Variants in DMD observed in about 807,000 individuals in gnomAD.
The protein encoded by DMD is dystrophin, also known as mutant dystrophin.
A neutral mutation model predicts 330.1 loss-of-function variants in DMD; 63 were observed. The observed-to-expected ratio is 0.19, with a 90% CI of 0.16 to 0.24. DMD has a LOEUF of 0.24. DMD is among the 10% of genes least tolerant of loss of function. The pLI is 1.00. For synonymous variants in DMD, 1,223 were observed against 959.8 expected, an observed-to-expected ratio of 1.27 and a Z score of -5.07; for missense variants, 3,344 against 2,684.1, an observed-to-expected ratio of 1.25 and a Z score of -5.43.
At chrX:32,929,527 T>A (rs1454970679) in intron 2 of DMD, among the ~76,000 whole-genome samples, 1 of 111,171 alleles carries the variant, frequency 9.0e-6, no homozygotes, top group East Asian at 2.8e-4. Context: ...CCATAGTTAC[T>A]GAGGATATCA....
intron 41 of DMD, among the ~76,000 whole-genome samples, chrX:32,335,670 A>AAC (rs1569558437): frequency 9.8e-6 from 1 of 101,919 alleles, no homozygotes; most frequent in African/African-American, 3.9e-5. Context: ...ACATATACAT[A>AAC]ATATGTATAT....
chrX:31,552,467 A>G (rs1433113773), intron 55 of DMD, among the ~76,000 whole-genome samples: 1 of 111,947 alleles, frequency 8.9e-6, no homozygotes, highest in African/African-American at 3.3e-5. Context: ...GCCACCACAC[A>G]TGGCCCAGAG....
At chrX:32,119,093 A>G in intron 44 of DMD, among the ~76,000 whole-genome samples, 1 of 110,739 alleles carries the variant, frequency 9.0e-6, no homozygotes, top group Middle Eastern at 4.6e-3. Flanking sequence ...TAAAAGCCAA[A>G]GGAAAGCGGG....
intron 1 of DMD, among the ~76,000 whole-genome samples, chrX:33,143,750 T>A (rs1454982327): frequency 8.9e-6 from 1 of 112,001 alleles, no homozygotes; most frequent in East Asian, 2.8e-4. Flanking sequence ...ATTAACCGAA[T>A]GATATTAATA....
intron 2 of DMD, among the ~76,000 whole-genome samples, chrX:33,015,511 G>T (rs765606237): frequency 3.6e-5 from 4 of 110,604 alleles, no homozygotes; most frequent in African/African-American, 1.3e-4. Context: ...GGAGCTTATC[G>T]GAAGGTGGAG....
intron 55 of DMD, among the ~76,000 whole-genome samples, chrX:31,528,872 T>C (rs1224970743): frequency 9.0e-6 from 1 of 111,580 alleles, no homozygotes; most frequent in Non-Finnish European, 1.9e-5. Context: ...GGCTCATGCC[T>C]GTAATCCAGG....
intron 60 of DMD, among the ~76,000 whole-genome samples, chrX:31,360,763 T>C (rs1302747858): frequency 8.9e-6 from 1 of 111,907 alleles, no homozygotes; most frequent in African/African-American, 3.2e-5. Context: ...GGAGGAATGA[T>C]GGGAAAATTA....
chrX:32,348,124 T>A (rs113794050), intron 38 of DMD, among the ~76,000 whole-genome samples: 19 of 111,428 alleles, frequency 1.7e-4, no homozygotes, highest in African/African-American at 5.5e-4. Flanking sequence ...TTCGACTCTT[T>A]TTTCCAATTA....
At chrX:32,903,139 A>G (rs1297194408) in intron 2 of DMD, among the ~76,000 whole-genome samples, 2 of 60,697 alleles carry the variant, frequency 3.3e-5, no homozygotes, top group Admixed American at 2.3e-4. Context: ...AGTGAGACTC[A>G]GTCTCAAAAA....
intron 43 of DMD, among the ~76,000 whole-genome samples, chrX:32,242,091 G>A (rs1029415467): frequency 1.8e-5 from 2 of 111,672 alleles, no homozygotes; most frequent in African/African-American, 6.5e-5. Context: ...CTGACATGGA[G>A]GCCTGAATCC....
intron 53 of DMD, among the ~76,000 whole-genome samples, chrX:31,659,798 G>A (rs767655904): frequency 9.7e-4 from 107 of 110,528 alleles, no homozygotes; most frequent in African/African-American, 3.4e-3. Flanking sequence ...GTAAAAAACA[G>A]AACACAATTT....
chrX:31,252,984 C>T (rs1398221662), intron 63 of DMD, among the ~76,000 whole-genome samples: 3 of 96,198 alleles, frequency 3.1e-5, no homozygotes, highest in Admixed American at 1.1e-4. Context: ...AGTGAGACTC[C>T]GTCTCAAAAA....
chrX:32,864,485 C>A (rs1190077939), intron 2 of DMD, among the ~76,000 whole-genome samples: 4 of 112,161 alleles, frequency 3.6e-5, no homozygotes, highest in Admixed American at 9.5e-5. Context: ...TATATCTTTT[C>A]TTTCTTCTAT....
intron 44 of DMD, among the ~76,000 whole-genome samples, chrX:32,020,582 G>C (rs1409150218): frequency 9.0e-6 from 1 of 111,701 alleles, no homozygotes; most frequent in Non-Finnish European, 1.9e-5. Flanking sequence ...CACATACACA[G>C]AGGAAAGGTC....
chrX:31,248,851 G>A (rs886801858), intron 63 of DMD, among the ~76,000 whole-genome samples: 2 of 110,996 alleles, frequency 1.8e-5, no homozygotes, highest in Non-Finnish European at 3.8e-5. Context: ...CAGCTCCCTC[G>A]GAGCCCCTCC....
At position 31,177,922 on chromosome X, in the gene DMD, A is replaced by C; in HGVS notation, c.10262+10T>G. On this transcript the variant is annotated intron_variant, in intron 71 of 78. Transcript: ENST00000357033. Reference sequence around the variant, plus strand: ...TGGTAGCAGCACCCTTCAGCAAAAAAAGTACTCACGCAGAATCTACTGGCC... The same window carrying C: ...TGGTAGCAGCACCCTTCAGCAAAAACAGTACTCACGCAGAATCTACTGGCC... 1 of 1,203,219 alleles carries C rather than the reference A, an allele frequency of 8.3e-7. No homozygotes were observed. Among genetic ancestry groups the C allele is most frequent in the East Asian group, 3.0e-5 (1 of 33,785 alleles).
rs2056850477 is a variant in DMD at position 32,607,755 on chromosome X, G to T, written c.1482+6548C>A. Among the ~76,000 whole-genome samples, 7 of 110,063 alleles carry T rather than the reference G, an allele frequency of 6.4e-5. No individual in the cohort carries two copies. In the Admixed American group the frequency reaches 6.8e-4, roughly 11 times the overall value. On this transcript the variant is annotated intron_variant, in intron 12 of 78. Transcript: ENST00000357033. ...ATGTGTGTCTTAGCTTTCTTGTAAGGTTTCCCTAAAATGCATTTTAAAATG... is the reference window on the plus strand; with the variant it reads ...ATGTGTGTCTTAGCTTTCTTGTAAGTTTTCCCTAAAATGCATTTTAAAATG...
intron 43 of DMD, among the ~76,000 whole-genome samples, chrX:32,249,991 T>G (rs1399049876): frequency 3.8e-5 from 3 of 79,632 alleles, no homozygotes; most frequent in Admixed American, 1.3e-4. Flanking sequence ...ATGTCCCACT[T>G]TTTTTGCATC....
At chrX:32,615,423 A>T (rs755772259) in intron 11 of DMD, among the ~76,000 whole-genome samples, 1 of 111,395 alleles carries the variant, frequency 9.0e-6, no homozygotes, top group East Asian at 2.8e-4. Flanking sequence ...TATTAATTAC[A>T]CAACTTTATG....
Sources: gnomAD v4.1 joint callset for allele counts (sites outside exome capture counted in the v4.1 genomes callset) on GRCh38, gnomAD v4.1.1 for gene constraint, MANE v1.5 for transcripts, NCBI Gene and HGNC (gene_info 2026-07-23, HGNC 2026-07-21) for gene names.